PRKG1: variants seen among roughly 807,000 people sequenced by gnomAD.
The protein encoded by PRKG1 is protein kinase cGMP-dependent 1.
Under a neutral mutation model 88.1 loss-of-function variants are expected in PRKG1, and 35 were observed. That is an observed-to-expected ratio of 0.40 (90% CI 0.30 to 0.53). The LOEUF (loss-of-function observed/expected upper bound fraction) is 0.53, where lower values mean the gene tolerates loss of function less well. Ranked by LOEUF, PRKG1 falls within the 20% of genes least tolerant of loss-of-function variation. The pLI is 0.59. For synonymous variants in PRKG1, 303 were observed against 292.5 expected, an observed-to-expected ratio of 1.04 and a Z score of -0.37; for missense variants, 540 against 839.8, an observed-to-expected ratio of 0.64 and a Z score of 4.41.
intron 3 of PRKG1, among the ~76,000 whole-genome samples, chr10:51,671,619 C>T (rs1840581566): frequency 6.7e-6 from 1 of 149,860 alleles, no homozygotes; most frequent in Admixed American, 6.7e-5. Flanking sequence ...TGGAGTCTCA[C>T]TCTGTCACCC....
At chr10:51,273,021 C>T (rs1840021907) in intron 2 of PRKG1, among the ~76,000 whole-genome samples, 1 of 152,162 alleles carries the variant, frequency 6.6e-6, no homozygotes, top group Non-Finnish European at 1.5e-5. Context: ...AACTACTATT[C>T]ACTTTTTCCA....
At chr10:51,114,541 T>C (rs1172862851) in intron 1 of PRKG1, among the ~76,000 whole-genome samples, 1 of 151,972 alleles carries the variant, frequency 6.6e-6, no homozygotes, top group Non-Finnish European at 1.5e-5. Flanking sequence ...TAAAGGTAAA[T>C]AACACTTTTC....
intron 1 of PRKG1, among the ~76,000 whole-genome samples, chr10:51,059,683 C>T (rs1239410198): frequency 1.3e-5 from 2 of 152,158 alleles, no homozygotes; most frequent in Non-Finnish European, 2.9e-5. Context: ...TGCAGCAAGA[C>T]ACCATGATTT....
chr10:51,935,025 G>T (rs1309202856), intron 5 of PRKG1, among the ~76,000 whole-genome samples: 1 of 152,086 alleles, frequency 6.6e-6, no homozygotes, highest in Non-Finnish European at 1.5e-5. Flanking sequence ...TCCGGCAATG[G>T]GAACTGGTGA....
At chr10:51,254,022 A>T (rs1379450127) in intron 2 of PRKG1, among the ~76,000 whole-genome samples, 1 of 151,986 alleles carries the variant, frequency 6.6e-6, no homozygotes, top group African/African-American at 2.4e-5. Context: ...ATCCTCATGA[A>T]CTTTTAATGT....
chr10:51,634,995 C>T (rs1367596610), intron 3 of PRKG1, among the ~76,000 whole-genome samples: 3 of 151,998 alleles, frequency 2.0e-5, no homozygotes, highest in Non-Finnish European at 1.5e-5. Flanking sequence ...AGGTACTATG[C>T]TTATTATCTG....
At chr10:51,061,393 A>C (rs537319350) in intron 1 of PRKG1, among the ~76,000 whole-genome samples, 55 of 152,318 alleles carry the variant, frequency 3.6e-4, no homozygotes, top group Non-Finnish European at 6.3e-4. Context: ...CACGGGAATT[A>C]TGGGAGCTAC....
intron 3 of PRKG1, among the ~76,000 whole-genome samples, chr10:51,554,550 T>A (rs1328845806): frequency 6.6e-6 from 1 of 151,202 alleles, no homozygotes; most frequent in Non-Finnish European, 1.5e-5. Flanking sequence ...TTTCTCATGA[T>A]CATCTCTTCC....
At chr10:51,360,680 C>T (rs566913015) in intron 2 of PRKG1, among the ~76,000 whole-genome samples, 56 of 151,962 alleles carry the variant, frequency 3.7e-4, no homozygotes, top group African/African-American at 1.3e-3. Flanking sequence ...AGGCTTGTAA[C>T]GCTTTTGTCT....
Position 51,381,877 on chromosome 10 carries a change from A to G in PRKG1, c.479-85846A>G, listed in dbSNP as rs139297864. ...TATCATACAACATTGTTGATTGCTG[A>G]GAGCTGTATTACCTTGTGTCACAAG... On this transcript the variant is annotated intron_variant, in intron 2 of 17. Transcript: ENST00000373980. Among the ~76,000 whole-genome samples the G allele has an allele frequency of 3.2e-3, 493 of 152,296 alleles. 3 individuals carry two copies. The highest frequency in any genetic ancestry group is 0.011 in the African/African-American group (470 of 41,562).
At chr10:51,772,553 T>G (rs1838330006) in intron 3 of PRKG1, among the ~76,000 whole-genome samples, 1 of 151,998 alleles carries the variant, frequency 6.6e-6, no homozygotes, top group South Asian at 2.1e-4. Context: ...TGGTAAATTA[T>G]GCAAAAAAAT....
chr10:52,295,903 T>C lies in PRKG1; in HGVS notation c.*2003T>C, dbSNP rs1280887963. 1 of 152,000 alleles carries C rather than the reference T, an allele frequency of 6.6e-6. No individual in the cohort carries two copies. The highest frequency in any genetic ancestry group is 1.5e-5 in the Non-Finnish European group (1 of 67,910). The allele number at this position is 152,000 out of a possible 1,614,324, so 9.4% of individuals were successfully genotyped here. On this transcript the variant is annotated 3_prime_UTR_variant, in exon 18 of 18. Coordinates refer to ENST00000373980, the MANE Select transcript of PRKG1 (RefSeq NM_006258.4). The stretch of plus-strand genomic sequence containing the variant: ...TGTTATTCTTGTATTTTTGGAGTTT[T>C]CCGTCCCTTACAATTTCTCCAAATT...
intron 3 of PRKG1, among the ~76,000 whole-genome samples, chr10:51,755,037 T>A (rs1230782880): frequency 1.3e-5 from 2 of 151,398 alleles, no homozygotes; most frequent in African/African-American, 4.9e-5. Context: ...TAGACACACA[T>A]ATGTATTAGC....
intron 14 of PRKG1, among the ~76,000 whole-genome samples, chr10:52,283,464 G>A (rs528038109): frequency 4.3e-4 from 65 of 152,162 alleles, no homozygotes; most frequent in Middle Eastern, 3.4e-3. Context: ...AGAGTGTTTC[G>A]CACATAGTAA....
chr10:51,190,765 A>G (rs1837610686), intron 2 of PRKG1, among the ~76,000 whole-genome samples: 1 of 151,922 alleles, frequency 6.6e-6, no homozygotes, highest in Non-Finnish European at 1.5e-5. Flanking sequence ...CCACTGATCG[A>G]CAGTGAAGTG....
intron 7 of PRKG1, among the ~76,000 whole-genome samples, chr10:52,075,101 A>G (rs1271043382): frequency 1.3e-5 from 2 of 152,238 alleles, no homozygotes. Flanking sequence ...AAAAATGTCA[A>G]TAAATAATCG....
intron 4 of PRKG1, among the ~76,000 whole-genome samples, chr10:51,904,469 G>T (rs1423332552): frequency 6.6e-6 from 1 of 152,036 alleles, no homozygotes; most frequent in Non-Finnish European, 1.5e-5. Context: ...GAATTGTTTT[G>T]TTCCTAGTGT....
intron 3 of PRKG1, among the ~76,000 whole-genome samples, chr10:51,575,695 G>A (rs1261057894): frequency 6.6e-6 from 1 of 151,048 alleles, no homozygotes; most frequent in African/African-American, 2.5e-5. Flanking sequence ...TTTGCTATAT[G>A]AGCCCGCTCA....
At chr10:51,396,342 G>C (rs78846361) in intron 2 of PRKG1, among the ~76,000 whole-genome samples, 1,729 of 152,086 alleles carry the variant, frequency 0.011, 18 homozygotes, top group Middle Eastern at 0.024. Context: ...TTGAGGTTAC[G>C]GTGATCGCAT....
Sources: allele counts gnomAD v4.1 joint callset (sites outside exome capture counted in the v4.1 genomes callset), GRCh38; gene constraint gnomAD v4.1.1; transcripts MANE v1.5; gene names NCBI Gene and HGNC (gene_info 2026-07-23, HGNC 2026-07-21).